Variants in RGS5 observed in about 807,000 individuals in gnomAD.
RGS5 encodes the protein regulator of G-protein signalling 5.
Under a neutral mutation model 18.9 loss-of-function variants are expected in RGS5, and 20 were observed. That is an observed-to-expected ratio of 1.06 (90% confidence interval 0.74 to 1.54). The LOEUF (loss-of-function observed/expected upper bound fraction) is 1.54, where lower values mean the gene tolerates loss of function less well. Ranked by LOEUF, RGS5 falls within the 40% of genes most tolerant of loss-of-function variation. The pLI is 0.00. For missense variants in RGS5, 201 were observed against 211.8 expected (o/e 0.95, Z 0.32); for synonymous variants, 57 against 76.2 (o/e 0.75, Z 1.31).
At chr1:163,228,905 A>C (rs2101683069) in intron 2 of RGS5, among the ~76,000 whole-genome samples, 1 of 152,294 alleles carries the variant, frequency 6.6e-6, no homozygotes, top group Middle Eastern at 3.4e-3. Flanking sequence ...TTTCCATGTG[A>C]GACCAGCTCA....
At chr1:163,298,549 T>C (rs2101730315) in intron 2 of RGS5, among the ~76,000 whole-genome samples, 1 of 152,184 alleles carries the variant, frequency 6.6e-6, no homozygotes, top group South Asian at 2.1e-4. Context: ...AGGGAATGCA[T>C]GGAGAACAAA....
chr1:163,158,218 G>A (rs1178849064), intron 3 of RGS5, among the ~76,000 whole-genome samples: 1 of 152,146 alleles, frequency 6.6e-6, no homozygotes, highest in East Asian at 1.9e-4. Flanking sequence ...AGTGATGTTG[G>A]AGTAGAATTA....
intron 2 of RGS5, among the ~76,000 whole-genome samples, chr1:163,276,548 G>A (rs191067952): frequency 4.9e-4 from 74 of 152,284 alleles, no homozygotes; most frequent in African/African-American, 1.6e-3. Context: ...TTAAAGATAA[G>A]TCAATTTTGT....
intron 2 of RGS5, among the ~76,000 whole-genome samples, chr1:163,299,379 G>A (rs1649499831): frequency 6.6e-6 from 1 of 152,134 alleles, no homozygotes; most frequent in African/African-American, 2.4e-5. Context: ...TACCACAAAA[G>A]AGCAACAATG....
intron 1 of RGS5, among the ~76,000 whole-genome samples, chr1:163,320,980 G>T (rs1338813496): frequency 6.6e-6 from 1 of 152,092 alleles, no homozygotes; most frequent in Non-Finnish European, 1.5e-5. Context: ...GTCCTATTAC[G>T]TCTTCTCCTG....
At chr1:163,218,923 C>A (rs2101676644), upstream of RGS5, among the ~76,000 whole-genome samples, 1 of 152,208 alleles carries the variant, frequency 6.6e-6, no homozygotes, top group Non-Finnish European at 1.5e-5. Context: ...TATGGTAGTG[C>A]TTCTACACCC....
intron 2 of RGS5, among the ~76,000 whole-genome samples, chr1:163,244,286 G>T (rs1184343291): frequency 6.6e-6 from 1 of 152,190 alleles, no homozygotes; most frequent in Admixed American, 6.5e-5. Flanking sequence ...TCTAAAGTCT[G>T]TTCCAAGTTG....
intron 2 of RGS5, chr1:163,248,393 T>C (rs1313269668): frequency 6.6e-6 from 1 of 152,160 alleles, no homozygotes; most frequent in African/African-American, 2.4e-5. Flanking sequence ...CAAGATGAGA[T>C]GATATAAAAC....
intron 2 of RGS5, among the ~76,000 whole-genome samples, chr1:163,282,611 G>C (rs1013107653): frequency 6.6e-6 from 1 of 152,120 alleles, no homozygotes; most frequent in Non-Finnish European, 1.5e-5. Context: ...TTAGGAGTCC[G>C]AGGTGGGAAA....
chr1:163,282,349 T>C (rs971565296), intron 2 of RGS5, among the ~76,000 whole-genome samples: 5 of 152,162 alleles, frequency 3.3e-5, no homozygotes, highest in Non-Finnish European at 7.4e-5. Flanking sequence ...TCAACATTAC[T>C]AATCATCAGG....
At chr1:163,235,071 A>G (rs553325938) in intron 2 of RGS5, among the ~76,000 whole-genome samples, 3 of 152,318 alleles carry the variant, frequency 2.0e-5, no homozygotes, top group Admixed American at 1.3e-4. Context: ...TCTTTCTCCA[A>G]ATAGGAGGAG....
intron 2 of RGS5, 65 bp from the exon 3 acceptor site, chr1:163,162,041 C>A (rs1246432231): frequency 1.9e-6 from 2 of 1,039,662 alleles, no homozygotes; most frequent in Non-Finnish European, 3.0e-6. Context: ...CATGTACCAG[C>A]AATAACTACT....
intron 4 of RGS5, among the ~76,000 whole-genome samples, chr1:163,149,912 T>C (rs1290452710): frequency 1.3e-5 from 2 of 152,180 alleles, no homozygotes. Context: ...CAGGTGCACA[T>C]ACATATACAC....
chr1:163,205,345 T>TAAAAAA (rs35747068), upstream of RGS5, among the ~76,000 whole-genome samples: 3 of 72,738 alleles, frequency 4.1e-5, no homozygotes, highest in Admixed American at 1.6e-4. Flanking sequence ...TTAACCACAG[T>TAAAAAA]AAAAAAAAAA....
In RGS5 at chr1:163,208,888, ATAAGTAT is replaced by A. The variant is rs149203522; in HGVS notation, c.69+8631_69+8637del. ...CTTAGTACAAGAAAGAAGACAAAAA[ATAAGTAT>A]TATGGTCAAACACACACACATACAC... On this transcript the variant is annotated intron_variant, in intron 1 of 5. Transcript: ENST00000367903. Among the ~76,000 whole-genome samples the A allele has an allele frequency of 7.1e-3, 1,088 of 152,176 alleles. 15 individuals are homozygous for A. The highest frequency in any genetic ancestry group is 0.025 in the African/African-American group (1,030 of 41,526).
At position 163,145,281 on chromosome 1, in the gene RGS5, A is replaced by T. The variant is rs1214058245; in HGVS notation, c.*2061T>A. 6.6e-6 allele frequency: 1 copy of T among 152,196 alleles called. No individual in the cohort carries two copies. The highest frequency in any genetic ancestry group is 2.4e-5 in the African/African-American group (1 of 41,452). The allele number at this position is 152,196 out of a possible 1,614,324, so 9.4% of individuals were successfully genotyped here. On this transcript the variant is annotated 3_prime_UTR_variant, in exon 5 of 5. Transcript: ENST00000313961. Reference sequence around the variant, plus strand: ...TGGATATTGCAAATAATGTGAATAAAATACTTGAATTTTAAATAATTAAAT... The same window carrying T: ...TGGATATTGCAAATAATGTGAATAATATACTTGAATTTTAAATAATTAAAT...
intron 1 of RGS5, among the ~76,000 whole-genome samples, chr1:163,182,926 TGAAA>T: frequency 1.8e-5 from 1 of 55,448 alleles, no homozygotes. Flanking sequence ...AAAATATAAA[TGAAA>T]GGGGTAGTAA....
At chr1:163,223,127 G>A (rs546432401) in intron 2 of RGS5, among the ~76,000 whole-genome samples, 1 of 152,270 alleles carries the variant, frequency 6.6e-6, no homozygotes, top group East Asian at 1.9e-4. Flanking sequence ...ATACAGACAT[G>A]AGCCACTGCG....
intron 1 of RGS5, among the ~76,000 whole-genome samples, chr1:163,307,154 A>G (rs1398469288): frequency 6.6e-6 from 1 of 152,204 alleles, no homozygotes; most frequent in African/African-American, 2.4e-5. Context: ...GATATGGGAT[A>G]AGGTTCCTCA....
Sources: gnomAD v4.1 joint callset for allele counts (sites outside exome capture counted in the v4.1 genomes callset) on GRCh38, gnomAD v4.1.1 for gene constraint, MANE v1.5 for transcripts, NCBI Gene and HGNC (gene_info 2026-07-23, HGNC 2026-07-21) for gene names.